Variants in PHF24 observed in about 807,000 individuals in gnomAD.
The protein encoded by PHF24 is PHD finger protein 24.
In PHF24, 25 loss-of-function variants were observed where a neutral mutation model predicts 42.6. That is an observed-to-expected ratio of 0.59 (90% CI 0.43 to 0.82). PHF24 has a LOEUF of 0.82. Ranked by LOEUF, PHF24 falls within the 40% of genes least tolerant of loss-of-function variation. The pLI is 0.00. For synonymous variants in PHF24, 185 were observed against 204.8 expected (o/e 0.90, Z 0.83); for missense variants, 470 against 538.1 (o/e 0.87, Z 1.25).
chr9:34,936,991 C>T, the PHF24 span, among the ~76,000 whole-genome samples: 2 of 149,340 alleles, frequency 1.3e-5, no homozygotes, highest in Non-Finnish European at 3.0e-5. Context: ...GGTCAGCCCC[C>T]GCCAGGCCAG....
the PHF24 span, among the ~76,000 whole-genome samples, chr9:34,904,733 C>A: frequency 7.1e-6 from 1 of 141,550 alleles, no homozygotes; most frequent in Non-Finnish European, 1.5e-5. Context: ...GTGATGCCAG[C>A]TTCATAGAAT....
At chr9:34,673,750 T>C in the PHF24 span, among the ~76,000 whole-genome samples, 1 of 151,520 alleles carries the variant, frequency 6.6e-6, no homozygotes, top group Non-Finnish European at 1.5e-5. Flanking sequence ...GCCTCCAGAG[T>C]AGTTGGGACT....
the PHF24 span, chr9:34,727,882 T>G: frequency 1.3e-6 from 1 of 741,816 alleles, no homozygotes. Flanking sequence ...CTGGCAACCC[T>G]CTCACCCAGT....
At chr9:34,958,069 T>TCGCCGGTCACCCGC (rs1224988875), upstream of PHF24, among the ~76,000 whole-genome samples, 4 of 149,700 alleles carry the variant, frequency 2.7e-5, no homozygotes, top group East Asian at 5.9e-4. The surrounding 1 kb of genome is among the most constrained non-coding windows in gnomAD (Gnocchi z 4.5). Flanking sequence ...CGCGCGCCCG[T>TCGCCGGTCACCCGC]CGCCGGTCAC....
the PHF24 span, among the ~76,000 whole-genome samples, chr9:34,943,146 C>A: frequency 6.6e-6 from 1 of 152,150 alleles, no homozygotes; most frequent in East Asian, 1.9e-4. Flanking sequence ...CCTGCAGCAG[C>A]CTTCAGTCAT....
At chr9:34,790,764 A>G in the PHF24 span, among the ~76,000 whole-genome samples, 3 of 152,270 alleles carry the variant, frequency 2.0e-5, no homozygotes, top group Non-Finnish European at 4.4e-5. Context: ...AGGAGTGGTC[A>G]GGGAAGGTCC....
chr9:34,834,678 G>A, the PHF24 span: 2 of 1,546,748 alleles, frequency 1.3e-6, no homozygotes, highest in Non-Finnish European at 1.7e-6. Flanking sequence ...TGAGACCTCT[G>A]GAGGGCAGCT....
the PHF24 span, chr9:34,835,628 GC>G: frequency 1.7e-5 from 26 of 1,551,720 alleles, no homozygotes; most frequent in East Asian, 5.9e-4. Flanking sequence ...GGCTTGTCAA[GC>G]CTTGAAGAAG....
the PHF24 span, among the ~76,000 whole-genome samples, chr9:34,756,993 C>G: frequency 6.6e-6 from 1 of 152,118 alleles, no homozygotes; most frequent in Non-Finnish European, 1.5e-5. Flanking sequence ...GCAACCTCAA[C>G]CCCCAGGTTC....
the PHF24 span, among the ~76,000 whole-genome samples, chr9:34,772,562 C>A: frequency 6.6e-6 from 1 of 152,004 alleles, no homozygotes; most frequent in Non-Finnish European, 1.5e-5. Flanking sequence ...TTAAAAATGA[C>A]AAAGTAGGTA....
chr9:34,917,240 G>A, the PHF24 span: 7 of 1,266,814 alleles, frequency 5.5e-6, no homozygotes, highest in Middle Eastern at 3.7e-4. Context: ...CCCTGCCTCA[G>A]GGTGAGAAAG....
At chr9:34,925,316 A>G in the PHF24 span, among the ~76,000 whole-genome samples, 1 of 152,148 alleles carries the variant, frequency 6.6e-6, no homozygotes, top group East Asian at 1.9e-4. Context: ...ATTTGACTAT[A>G]ATGTTCCTCA....
the PHF24 span, among the ~76,000 whole-genome samples, chr9:34,731,796 A>G: frequency 6.6e-6 from 1 of 151,970 alleles, no homozygotes; most frequent in Non-Finnish European, 1.5e-5. Flanking sequence ...TCTTTTGGTT[A>G]TTGGTTGTAT....
the PHF24 span, among the ~76,000 whole-genome samples, chr9:34,843,985 A>G: frequency 6.6e-6 from 1 of 151,962 alleles, no homozygotes; most frequent in Admixed American, 6.6e-5. Context: ...TTTATTGTTG[A>G]TCTGTTCAGA....
chr9:34,790,906 G>A, the PHF24 span, among the ~76,000 whole-genome samples: 21 of 152,340 alleles, frequency 1.4e-4, no homozygotes, highest in South Asian at 4.4e-3. Flanking sequence ...ATAGCAAGCA[G>A]GCCAGTGTGA....
At chr9:34,846,087 T>A in the PHF24 span, among the ~76,000 whole-genome samples, 4 of 152,142 alleles carry the variant, frequency 2.6e-5, no homozygotes, top group Non-Finnish European at 5.9e-5. Context: ...TATAGCAGCA[T>A]GATTTATAGT....
At chr9:34,810,001 C>T in the PHF24 span, among the ~76,000 whole-genome samples, 2 of 145,236 alleles carry the variant, frequency 1.4e-5, no homozygotes, top group Admixed American at 6.8e-5. Flanking sequence ...GGCGCACGCG[C>T]CGCCGCCGCC....
chr9:34,736,811 A>G, the PHF24 span, among the ~76,000 whole-genome samples: 1 of 152,248 alleles, frequency 6.6e-6, no homozygotes, highest in African/African-American at 2.4e-5. Flanking sequence ...TAGACTTCTG[A>G]TCAAATCTAT....
intron 1 of PHF24, among the ~76,000 whole-genome samples, chr9:34,962,849 C>T (rs1195751270): frequency 2.0e-5 from 3 of 152,228 alleles, no homozygotes; most frequent in African/African-American, 7.2e-5. Flanking sequence ...CATAATTTTG[C>T]TCTCATCTAT....
Sources: allele counts gnomAD v4.1 joint callset (sites outside exome capture counted in the v4.1 genomes callset), GRCh38; gene constraint gnomAD v4.1.1; non-coding constraint Gnocchi (gnomAD v3.1); transcripts MANE v1.5; gene names NCBI Gene and HGNC (gene_info 2026-07-23, HGNC 2026-07-21).